IMMP2L: variants seen among roughly 807,000 people sequenced by gnomAD.
IMMP2L encodes mitochondrial inner membrane protease subunit 2.
Under a neutral mutation model 19.3 loss-of-function variants are expected in IMMP2L, and 18 were observed. That is an observed-to-expected ratio of 0.93 (90% confidence interval 0.64 to 1.38). The LOEUF (loss-of-function observed/expected upper bound fraction) is 1.38, where lower values mean the gene tolerates loss of function less well. IMMP2L is among the 40% of genes most tolerant of loss of function. The pLI is 0.00. For synonymous variants in IMMP2L, 76 were observed against 73.0 expected, an observed-to-expected ratio of 1.04 and a Z score of -0.21; for missense variants, 233 against 218.2, an observed-to-expected ratio of 1.07 and a Z score of -0.43.
intron 3 of IMMP2L, among the ~76,000 whole-genome samples, chr7:111,030,866 GTA>G (rs1168327964): frequency 1.3e-3 from 82 of 63,672 alleles, no homozygotes; most frequent in African/African-American, 3.1e-3. Flanking sequence ...ATATGTGTGT[GTA>G]TGTGTGTGTG....
At chr7:110,794,349 A>C (rs1488819217) in intron 5 of IMMP2L, among the ~76,000 whole-genome samples, 1 of 152,132 alleles carries the variant, frequency 6.6e-6, no homozygotes, top group Non-Finnish European at 1.5e-5. Flanking sequence ...AAGCCATAGA[A>C]AGACATAGAG....
At chr7:111,482,068 G>C (rs750202164) in intron 3 of IMMP2L, among the ~76,000 whole-genome samples, 1 of 152,058 alleles carries the variant, frequency 6.6e-6, no homozygotes, top group Non-Finnish European at 1.5e-5. Context: ...GAAACAGGTA[G>C]CATTTTAGTA....
chr7:111,131,684 T>G (rs1801862574), intron 3 of IMMP2L, among the ~76,000 whole-genome samples: 1 of 152,074 alleles, frequency 6.6e-6, no homozygotes, highest in South Asian at 2.1e-4. Flanking sequence ...ATGTGTATAA[T>G]ACATTACATA....
At chr7:111,469,551 CTGTT>C (rs1199185389) in intron 3 of IMMP2L, among the ~76,000 whole-genome samples, 1 of 151,972 alleles carries the variant, frequency 6.6e-6, no homozygotes, top group East Asian at 1.9e-4. Context: ...ATTTGGCTCT[CTGTT>C]TGTCTGTTAT....
chr7:110,773,823 T>C (rs902587816), intron 5 of IMMP2L, among the ~76,000 whole-genome samples: 37 of 110,350 alleles, frequency 3.4e-4, no homozygotes, highest in Non-Finnish European at 5.6e-4. Flanking sequence ...GTTAATAGTC[T>C]ATTCTTTTTT....
chr7:110,919,079 A>G (rs115064456), intron 4 of IMMP2L, among the ~76,000 whole-genome samples: 1,892 of 152,244 alleles, frequency 0.012, 34 homozygotes, highest in African/African-American at 0.043. Flanking sequence ...AAATGTACCA[A>G]CCATGAACTA....
At chr7:111,551,264 A>G (rs1280193667) in intron 1 of IMMP2L, among the ~76,000 whole-genome samples, 2 of 152,118 alleles carry the variant, frequency 1.3e-5, no homozygotes, top group Admixed American at 1.3e-4. Flanking sequence ...ATAACTTGGA[A>G]AAAAGTACAA....
chr7:110,847,468 A>G (rs542340009), intron 5 of IMMP2L, among the ~76,000 whole-genome samples: 4 of 152,334 alleles, frequency 2.6e-5, no homozygotes, highest in Admixed American at 2.0e-4. Flanking sequence ...AAAGTAAAAT[A>G]GCATTACTTT....
intron 4 of IMMP2L, among the ~76,000 whole-genome samples, chr7:110,905,811 G>A (rs571335033): frequency 6.6e-5 from 10 of 151,968 alleles, no homozygotes; most frequent in Non-Finnish European, 1.5e-4. Context: ...GTTGGCAAAG[G>A]CATGGAATTT....
intron 3 of IMMP2L, among the ~76,000 whole-genome samples, chr7:111,151,533 C>T (rs1305898834): frequency 6.6e-6 from 1 of 152,094 alleles, no homozygotes; most frequent in Non-Finnish European, 1.5e-5. Context: ...GGGACATAAC[C>T]AAATGTAAAA....
intron 3 of IMMP2L, among the ~76,000 whole-genome samples, chr7:111,148,395 C>A (rs1437201458): frequency 6.6e-6 from 1 of 151,840 alleles, no homozygotes; most frequent in African/African-American, 2.4e-5. Flanking sequence ...AGAGTGTGTG[C>A]GTTTCTTTTG....
In IMMP2L at chr7:111,428,431, A is replaced by G. The variant is rs185716311; in HGVS notation, c.239+58807T>C. Among the ~76,000 whole-genome samples the G allele has an allele frequency of 7.9e-5, 12 of 151,914 alleles. No individual in the cohort carries two copies. In the East Asian group the frequency reaches 2.3e-3, roughly 29 times the overall value. On this transcript the variant is annotated intron_variant, in intron 3 of 5. Transcript: ENST00000405709. ...ATTAAAAATACTAAAATGGTTCCTT[A>G]CTGCCCTAAATAAAACCTTTACAAG...
intron 3 of IMMP2L, among the ~76,000 whole-genome samples, chr7:111,261,139 T>A (rs529234243): frequency 1.1e-4 from 17 of 152,234 alleles, no homozygotes; most frequent in African/African-American, 3.9e-4. Context: ...TTTAATAACA[T>A]GACAAGCATT....
chr7:110,926,132 A>G (rs1814825080), intron 4 of IMMP2L, among the ~76,000 whole-genome samples: 1 of 152,076 alleles, frequency 6.6e-6, no homozygotes, highest in Non-Finnish European at 1.5e-5. Flanking sequence ...GGTGATTTTC[A>G]GTATTCATAT....
intron 3 of IMMP2L, chr7:111,392,161 C>T: frequency 1.7e-6 from 1 of 602,998 alleles, no homozygotes; most frequent in East Asian, 2.8e-5. Flanking sequence ...CCCAAAGTCA[C>T]ATGGGCAATC....
Position 110,920,241 on chromosome 7 carries a change from CA to C in IMMP2L, c.306-33547del, listed in dbSNP as rs759673426. ...AGTCAATACTCCTTAATAAACTCCC[CA>C]TTTATATATACATGTATCCTATTAG... On this transcript the variant is annotated intron_variant, in intron 4 of 5. Transcript: ENST00000405709. Among the ~76,000 whole-genome samples, 9 of 152,284 alleles carry C rather than the reference CA, an allele frequency of 5.9e-5. No homozygotes were observed. The East Asian group carries it at 1.7e-3, about 29-fold the overall frequency.
intron 4 of IMMP2L, among the ~76,000 whole-genome samples, chr7:110,906,104 A>G (rs1563071064): frequency 6.6e-6 from 1 of 152,134 alleles, no homozygotes; most frequent in Admixed American, 6.6e-5. Flanking sequence ...CAGTTATCTC[A>G]CCACATTTGA....
Position 110,924,787 on chromosome 7 carries a change from C to T in IMMP2L, c.306-38092G>A, listed in dbSNP as rs1814675576. Reference sequence around the variant, plus strand: ...CCATCTACGTGTTCTAGTTATTGCTCCAAAGTAGAATTGGTATACACAGCT... The same window carrying T: ...CCATCTACGTGTTCTAGTTATTGCTTCAAAGTAGAATTGGTATACACAGCT... On this transcript the variant is annotated intron_variant, in intron 4 of 5. Coordinates refer to ENST00000405709, the MANE Select transcript of IMMP2L (RefSeq NM_032549.4). This position sits in a 1 kb window ranked among gnomAD's most constrained non-coding sequence, Gnocchi z 4.2. Among the ~76,000 whole-genome samples, 1 of 152,030 alleles carries T rather than the reference C, an allele frequency of 6.6e-6. No individual in the cohort carries two copies. The highest frequency in any genetic ancestry group is 2.4e-5 in the African/African-American group (1 of 41,402).
intron 5 of IMMP2L, among the ~76,000 whole-genome samples, chr7:110,860,405 G>A (rs1261922021): frequency 6.6e-6 from 1 of 152,024 alleles, no homozygotes; most frequent in East Asian, 1.9e-4. Context: ...AAAAGGCAAT[G>A]TCATGTTGAT....
Sources: gnomAD v4.1 joint callset for allele counts (sites outside exome capture counted in the v4.1 genomes callset) on GRCh38, gnomAD v4.1.1 for gene constraint, Gnocchi (gnomAD v3.1) non-coding constraint, MANE v1.5 for transcripts, NCBI Gene and HGNC (gene_info 2026-07-23, HGNC 2026-07-21) for gene names.